CYP3A5: variants seen among roughly 807,000 people sequenced by gnomAD.
The protein encoded by CYP3A5 is cytochrome P450 3A5.
In CYP3A5, 51 loss-of-function variants were observed where a neutral mutation model predicts 55.9. The ratio of observed to expected loss-of-function variants is 0.91; its 90% CI spans 0.73 to 1.15. The LOEUF (loss-of-function observed/expected upper bound fraction) is 1.15. CYP3A5 is among the 50% of genes most tolerant of loss of function. The probability of loss-of-function intolerance (pLI) is 0.00; values close to 1 mark genes in which losing one functional copy is unlikely to be tolerated. For synonymous variants in CYP3A5, 196 were observed against 213.9 expected, an observed-to-expected ratio of 0.92 and a Z score of 0.73; for missense variants, 533 against 596.6, an observed-to-expected ratio of 0.89 and a Z score of 1.11.
At chr7:99,677,168 C>T in intron 1 of CYP3A5, 4 of 985,388 alleles carry the variant, frequency 4.1e-6, no homozygotes, top group South Asian at 9.4e-5. Context: ...GAGTCATGTG[C>T]AAACTCCTCC....
At chr7:99,649,173 G>A (rs1191719498) in intron 12 of CYP3A5, among the ~76,000 whole-genome samples, 2 of 152,132 alleles carry the variant, frequency 1.3e-5, no homozygotes, top group South Asian at 2.1e-4. Context: ...CCTGTCCCAG[G>A]TGTGCCAGAG....
At chr7:99,669,558 A>G (rs1811376114) in intron 4 of CYP3A5, among the ~76,000 whole-genome samples, 2 of 152,214 alleles carry the variant, frequency 1.3e-5, no homozygotes, top group African/African-American at 4.8e-5. Context: ...ACCAGACTAT[A>G]GCCAGGAGAA....
At chr7:99,674,363 C>T (rs919286075) in intron 3 of CYP3A5, 170 bp downstream of exon 3, 3 of 501,032 alleles carry the variant, frequency 6.0e-6, no homozygotes, top group Non-Finnish European at 1.1e-5. Context: ...ATTCCCATTG[C>T]AATATTCTAC....
intron 12 of CYP3A5, among the ~76,000 whole-genome samples, chr7:99,649,743 AT>A (rs981104036): frequency 1.1e-4 from 16 of 152,232 alleles, no homozygotes; most frequent in Admixed American, 9.8e-4. Context: ...GGAGAACACC[AT>A]TTAAGTCACA....
chr7:99,679,275 C>A (rs945015726), intron 1 of CYP3A5, among the ~76,000 whole-genome samples: 2 of 152,116 alleles, frequency 1.3e-5, no homozygotes, highest in African/African-American at 4.8e-5. Context: ...CAGGGGACAG[C>A]TTCCCATGAA....
Position 99,652,656 on chromosome 7 carries a change from T to G in CYP3A5, c.1150A>C (p.Asn384His), listed in dbSNP as rs1351907495. The stretch of plus-strand genomic sequence containing the variant: ...GACCCTTTGGGAATGAATACCCCAT[T>G]GATTTCAACATCTTTCTTGCAAGTC... ...ERTCKKDVEI[N>H]GVFIPKGSMV... The change falls in exon 11 of 13, where the codon AAT (asparagine) becomes CAT (histidine). Residue 384 changes from asparagine to histidine, a missense_variant. Coordinates refer to ENST00000222982, the MANE Select transcript of CYP3A5 (RefSeq NM_000777.5). The G allele has an allele frequency of 2.5e-6, 4 of 1,613,998 alleles. No homozygotes were observed. Among genetic ancestry groups the G allele is most frequent in the Non-Finnish European group, 3.4e-6 (4 of 1,180,014 alleles).
At chr7:99,670,902 T>C (rs1356090014) in intron 4 of CYP3A5, 2 of 152,238 alleles carry the variant, frequency 1.3e-5, no homozygotes, top group African/African-American at 4.8e-5. Context: ...TAGTTTTATG[T>C]TGTTCTCTTT....
intron 11 of CYP3A5, 88 bp from the exon 12 acceptor site, chr7:99,650,320 C>G: frequency 1.7e-6 from 2 of 1,200,766 alleles, no homozygotes; most frequent in African/African-American, 3.0e-5. Flanking sequence ...GAACAACCCC[C>G]CTCCACCTCC....
intron 8 of CYP3A5, chr7:99,663,705 G>T: frequency 9.3e-7 from 1 of 1,071,626 alleles, no homozygotes; most frequent in East Asian, 6.6e-5. Context: ...GGGAAGAGAA[G>T]TGGTAAAATT....
At chr7:99,660,748 CAAG>C in intron 9 of CYP3A5, 89 bp from the exon 10 acceptor site, 1 of 1,480,726 alleles carries the variant, frequency 6.8e-7, no homozygotes, top group Non-Finnish European at 9.2e-7. Context: ...TCTCTAATCC[CAAG>C]AAGAAAAAAT....
In CYP3A5 at chr7:99,661,211, C is replaced by T. The variant is rs540296812; in HGVS notation, c.866-552G>A. On this transcript the variant is annotated intron_variant, in intron 9 of 12. Coordinates refer to ENST00000222982, the MANE Select transcript of CYP3A5 (RefSeq NM_000777.5). ...ACCTCTTGCTACTCAAAGTGTGTTT[C>T]ATGGACCAGCAGCACCAGCCACATC... 2.6e-5 allele frequency among the ~76,000 whole-genome samples: 4 copies of T among 152,320 alleles called. No homozygotes were observed. The South Asian group carries it at 8.3e-4, about 32-fold the overall frequency.
At chr7:99,672,986 G>T in intron 3 of CYP3A5, 1 of 838,050 alleles carries the variant, frequency 1.2e-6, no homozygotes, top group Non-Finnish European at 1.5e-6. Flanking sequence ...TAAGCTGGGT[G>T]GTACATACGT....
rs775705711 is a variant in CYP3A5 at position 99,663,960 on chromosome 7, G to T, written c.798+8C>A. The T allele has an allele frequency of 5.1e-6, 8 of 1,579,864 alleles. No individual in the cohort carries two copies. The African/African-American group carries it at 5.5e-5, about 11-fold the overall frequency. On this transcript the variant is annotated splice_region_variant and intron_variant, in intron 8 of 12. Transcript: ENST00000222982. ...AAACATCGTCATTTAACCACCATCA[G>T]ATTTTACCTTTTGTTTGTCGTTGAG...
chr7:99,677,093 T>C, intron 1 of CYP3A5: 1 of 789,240 alleles, frequency 1.3e-6, no homozygotes, highest in Non-Finnish European at 1.5e-6. Context: ...GTGAAGTATC[T>C]CTGAGGAAAA....
chr7:99,657,418 T>G (rs1251871302), intron 10 of CYP3A5, among the ~76,000 whole-genome samples: 4 of 152,232 alleles, frequency 2.6e-5, no homozygotes, highest in African/African-American at 9.6e-5. Context: ...AATCCTGAGT[T>G]CTAGTTTGAT....
At chr7:99,650,998 A>C (rs1029105583) in intron 11 of CYP3A5, among the ~76,000 whole-genome samples, 2 of 152,244 alleles carry the variant, frequency 1.3e-5, no homozygotes, top group Non-Finnish European at 2.9e-5. Context: ...GTTGATTCAA[A>C]GAAAGTAATA....
Position 99,676,127 on chromosome 7 carries a change from CA to C in CYP3A5, c.152del (p.Leu51CysfsTer39). On this transcript the variant is annotated frameshift_variant, in exon 2 of 13. Transcript: ENST00000222982. LOFTEE classifies it high-confidence loss of function. The part of the protein sequence containing the change: ...PTPLPLLGNV[L>X]SYRQGLWKFD... ...TCAAGCAACTCACCTGACGATAGGA[CA>C]AAACATTTCCCAACAAAGGCAGAGG... 6.2e-7 allele frequency: 1 copy of C among 1,613,654 alleles called. No homozygotes were observed. Among genetic ancestry groups the C allele is most frequent in the Non-Finnish European group, 8.5e-7 (1 of 1,179,796 alleles).
At chr7:99,678,867 C>CAGGTGG (rs1812546160) in intron 1 of CYP3A5, among the ~76,000 whole-genome samples, 1 of 152,208 alleles carries the variant, frequency 6.6e-6, no homozygotes, top group South Asian at 2.1e-4. Flanking sequence ...GTTAATGGGA[C>CAGGTGG]AGGTGGAGCC....
chr7:99,672,999 G>A (rs1811829473), intron 3 of CYP3A5: 3 of 591,450 alleles, frequency 5.1e-6, no homozygotes, highest in Non-Finnish European at 4.5e-6. Context: ...ACATACGTGG[G>A]TATCTCCTAT....
Sources: gnomAD v4.1 joint callset for allele counts (sites outside exome capture counted in the v4.1 genomes callset) on GRCh38, gnomAD v4.1.1 for gene constraint, MANE v1.5 for transcripts, NCBI Gene and HGNC (gene_info 2026-07-23, HGNC 2026-07-21) for gene names.